Variants in CADM2 observed in about 807,000 individuals in gnomAD.
The protein encoded by CADM2 is cell adhesion molecule 2.
In CADM2, 12 loss-of-function variants were observed where a neutral mutation model predicts 49.8. That is an observed-to-expected ratio of 0.24 (90% CI 0.15 to 0.39). CADM2 has a LOEUF of 0.39. CADM2 is among the 10% of genes least tolerant of loss of function. The pLI is 1.00. For missense variants in CADM2, 378 were observed against 492.3 expected (o/e 0.77, Z 2.20); for synonymous variants, 214 against 175.4 (o/e 1.22, Z -1.74).
intron 2 of CADM2, among the ~76,000 whole-genome samples, chr3:85,771,040 G>A (rs2070056820): frequency 6.6e-6 from 1 of 152,046 alleles, no homozygotes; most frequent in African/African-American, 2.4e-5. Context: ...CGTTGGCTCT[G>A]GCAACTCCTT....
At chr3:85,812,182 T>G (rs1302113562) in intron 3 of CADM2, among the ~76,000 whole-genome samples, 2 of 152,162 alleles carry the variant, frequency 1.3e-5, no homozygotes, top group East Asian at 3.9e-4. Context: ...AGTCAAGCAA[T>G]CTGCAGGTAG....
intron 1 of CADM2, among the ~76,000 whole-genome samples, chr3:84,994,083 CTT>C (rs916079983): frequency 6.6e-6 from 1 of 151,606 alleles, no homozygotes; most frequent in Non-Finnish European, 1.5e-5. Context: ...TTCCAGATGC[CTT>C]TTTTTTGTGC....
intron 1 of CADM2, among the ~76,000 whole-genome samples, chr3:84,984,769 T>C (rs542454836): frequency 2.2e-4 from 34 of 152,298 alleles, no homozygotes; most frequent in Non-Finnish European, 4.0e-4. Flanking sequence ...ACCCATTCTC[T>C]AAGGGTTCTA....
intron 1 of CADM2, among the ~76,000 whole-genome samples, chr3:85,157,179 G>T (rs2040157336): frequency 6.6e-6 from 1 of 152,036 alleles, no homozygotes; most frequent in African/African-American, 2.4e-5. Flanking sequence ...ACTGCTCAAG[G>T]AAATAAAAGA....
chr3:85,893,291 A>T (rs889255770), intron 5 of CADM2, among the ~76,000 whole-genome samples: 10 of 152,196 alleles, frequency 6.6e-5, no homozygotes, highest in African/African-American at 2.2e-4. Flanking sequence ...CTGGCTAGCC[A>T]TATGTAGAAA....
intron 8 of CADM2, among the ~76,000 whole-genome samples, chr3:85,967,808 G>A (rs1725652626): frequency 6.6e-6 from 1 of 151,496 alleles, no homozygotes; most frequent in Admixed American, 6.6e-5. Context: ...TGAGAACTAG[G>A]AGAGTACATC....
At chr3:85,958,653 G>A (rs570742281) in intron 7 of CADM2, among the ~76,000 whole-genome samples, 1 of 152,022 alleles carries the variant, frequency 6.6e-6, no homozygotes, top group Non-Finnish European at 1.5e-5. Context: ...CAGCACAAAT[G>A]CCCATCAATG....
chr3:85,106,299 G>C (rs1270442565), intron 1 of CADM2, among the ~76,000 whole-genome samples: 2 of 152,060 alleles, frequency 1.3e-5, no homozygotes, highest in African/African-American at 2.4e-5. Flanking sequence ...GGAAGATGGA[G>C]ATTTTTTCCC....
intron 1 of CADM2, among the ~76,000 whole-genome samples, chr3:85,613,929 C>T (rs867918629): frequency 5.9e-5 from 9 of 151,522 alleles, no homozygotes; most frequent in South Asian, 4.2e-4. Flanking sequence ...CTAAAAATGA[C>T]GGAACGGTAG....
rs1307658523 is a variant in CADM2 at position 85,394,626 on chromosome 3, A to C, written c.62-331896A>C. Among the ~76,000 whole-genome samples, 4 of 152,242 alleles carry C rather than the reference A, an allele frequency of 2.6e-5. No homozygotes were observed. In the East Asian group the frequency reaches 7.7e-4, roughly 29 times the overall value. ...AATCTGTGTAAAGTTAACTGGACTT[A>C]TTGTACTCATATAACCGTGGCTTAT... On this transcript the variant is annotated intron_variant, in intron 1 of 9. Coordinates refer to ENST00000383699, the MANE Select transcript of CADM2 (RefSeq NM_001167675.2).
intron 1 of CADM2, among the ~76,000 whole-genome samples, chr3:85,653,660 A>G (rs764976154): frequency 2.4e-4 from 37 of 152,188 alleles, no homozygotes; most frequent in Non-Finnish European, 3.8e-4. Flanking sequence ...AGTTCAGGGA[A>G]TGGGTCATTA....
intron 2 of CADM2, among the ~76,000 whole-genome samples, chr3:85,755,968 A>T (rs1283622368): frequency 6.6e-6 from 1 of 152,154 alleles, no homozygotes; most frequent in Non-Finnish European, 1.5e-5. Flanking sequence ...TGGGGCTGAA[A>T]GTTCCAAACC....
intron 1 of CADM2, among the ~76,000 whole-genome samples, chr3:85,722,569 C>CA (rs1476930203): frequency 6.6e-6 from 1 of 152,144 alleles, no homozygotes; most frequent in Admixed American, 6.5e-5. Flanking sequence ...TAACTATTTA[C>CA]AAAATGTTTC....
At chr3:85,180,514 GAAAAAAA>G (rs58932967) in intron 1 of CADM2, among the ~76,000 whole-genome samples, 920 of 77,318 alleles carry the variant, frequency 0.012, 7 homozygotes, top group African/African-American at 0.033. Flanking sequence ...GTCTCAAAAA[GAAAAAAA>G]AAAAAAAAAA....
chr3:85,148,265 G>C (rs996745484), intron 1 of CADM2, among the ~76,000 whole-genome samples: 2 of 152,148 alleles, frequency 1.3e-5, no homozygotes, highest in Non-Finnish European at 2.9e-5. Flanking sequence ...TTCCTAGGCT[G>C]CTAAAAAAGG....
chr3:85,336,394 C>T (rs1375672327), intron 1 of CADM2, among the ~76,000 whole-genome samples: 1 of 151,390 alleles, frequency 6.6e-6, no homozygotes, highest in African/African-American at 2.4e-5. Context: ...TTAAAATCAA[C>T]AAGAATAAGA....
chr3:85,073,656 A>G (rs988685948), intron 1 of CADM2, among the ~76,000 whole-genome samples: 2 of 152,162 alleles, frequency 1.3e-5, no homozygotes, highest in Non-Finnish European at 2.9e-5. Flanking sequence ...TACAGGTATA[A>G]AGAAACAGAT....
At chr3:85,275,836 G>T (rs887896270) in intron 1 of CADM2, among the ~76,000 whole-genome samples, 3 of 150,630 alleles carry the variant, frequency 2.0e-5, no homozygotes, top group Non-Finnish European at 3.0e-5. Flanking sequence ...TTTTCTTTTT[G>T]AATTTCAAAT....
intron 8 of CADM2, among the ~76,000 whole-genome samples, chr3:86,025,053 T>G (rs932376056): frequency 1.6e-4 from 24 of 151,024 alleles, no homozygotes; most frequent in African/African-American, 2.4e-4. Context: ...TAGTTGTTTT[T>G]TTTTGTTTTG....
Sources: allele counts gnomAD v4.1 joint callset (sites outside exome capture counted in the v4.1 genomes callset), GRCh38; gene constraint gnomAD v4.1.1; transcripts MANE v1.5; gene names NCBI Gene and HGNC (gene_info 2026-07-23, HGNC 2026-07-21).